The following CAMK1D variants were observed in gnomAD, a reference collection of about 807,000 sequenced individuals.
CAMK1D encodes the protein calcium/calmodulin-dependent protein kinase type 1D.
In CAMK1D, 9 loss-of-function variants were observed where a neutral mutation model predicts 47.7. The ratio of observed to expected loss-of-function variants is 0.19; its 90% CI spans 0.11 to 0.33. The LOEUF (loss-of-function observed/expected upper bound fraction) is 0.33, where lower values mean the gene tolerates loss of function less well. CAMK1D is among the 10% of genes least tolerant of loss of function. The pLI, the probability that CAMK1D is intolerant of heterozygous loss-of-function variation, is 1.00. For missense variants in CAMK1D, 291 were observed against 488.7 expected (o/e 0.60, Z 3.81); for synonymous variants, 184 against 184.9 (o/e 0.99, Z 0.04).
At chr10:12,730,107 AG>A (rs1355125136) in intron 3 of CAMK1D, among the ~76,000 whole-genome samples, 2 of 152,186 alleles carry the variant, frequency 1.3e-5, no homozygotes, top group African/African-American at 2.4e-5. Context: ...CAGTGGTGAA[AG>A]CAGGGAGAGT....
intron 2 of CAMK1D, among the ~76,000 whole-genome samples, chr10:12,627,667 C>A (rs1021156516): frequency 1.3e-5 from 2 of 152,048 alleles, no homozygotes; most frequent in Non-Finnish European, 2.9e-5. Flanking sequence ...ATCTTTCACT[C>A]AGCATAATGT....
At chr10:12,613,812 TCA>T (rs1043150464) in intron 2 of CAMK1D, among the ~76,000 whole-genome samples, 4 of 152,308 alleles carry the variant, frequency 2.6e-5, no homozygotes, top group Middle Eastern at 6.8e-3. Flanking sequence ...GGCAGAAACA[TCA>T]CAGAGTTCTG....
At chr10:12,437,682 A>G (rs1202543683) in intron 1 of CAMK1D, among the ~76,000 whole-genome samples, 3 of 152,154 alleles carry the variant, frequency 2.0e-5, no homozygotes, top group Non-Finnish European at 4.4e-5. Context: ...CCCTGAGTCC[A>G]TAGTTTACAT....
At position 12,649,943 on chromosome 10, in the gene CAMK1D, A is replaced by T. The variant is rs149222045; in HGVS notation, c.225-16793A>T. 2.7e-3 allele frequency among the ~76,000 whole-genome samples: 410 copies of T among 152,348 alleles called. 2 individuals carry two copies. Among genetic ancestry groups the T allele is most frequent in the African/African-American group, 9.3e-3 (385 of 41,578 alleles). On this transcript the variant is annotated intron_variant, in intron 2 of 10. Transcript: ENST00000619168. Reference sequence around the variant, plus strand: ...GAGCGAGAGGGTCAGGACTCCAAGCAGGGTTTCCCAGGAACGATTTCACCG... The same window carrying T: ...GAGCGAGAGGGTCAGGACTCCAAGCTGGGTTTCCCAGGAACGATTTCACCG...
At chr10:12,791,129 G>A (rs747016751) in intron 5 of CAMK1D, 29 bp from the exon 6 acceptor site, 44 of 1,610,336 alleles carry the variant, frequency 2.7e-5, no homozygotes, top group Non-Finnish European at 3.7e-5. Flanking sequence ...TAAATTGTCA[G>A]GCTGTGTCTT....
chr10:12,731,344 C>T (rs976780654), intron 3 of CAMK1D, among the ~76,000 whole-genome samples: 4 of 152,140 alleles, frequency 2.6e-5, no homozygotes, highest in Non-Finnish European at 5.9e-5. Flanking sequence ...TTTCTATTTT[C>T]TCAGTGAAAG....
At chr10:12,822,390 G>A (rs1410076350) in intron 8 of CAMK1D, among the ~76,000 whole-genome samples, 1 of 152,222 alleles carries the variant, frequency 6.6e-6, no homozygotes, top group Non-Finnish European at 1.5e-5. Flanking sequence ...TGTGGGAAAT[G>A]AGCATGAAGC....
chr10:12,476,341 C>A (rs549995730), intron 1 of CAMK1D, among the ~76,000 whole-genome samples: 1 of 151,818 alleles, frequency 6.6e-6, no homozygotes, highest in East Asian at 1.9e-4. Flanking sequence ...GCTTGGGTGA[C>A]TAGATGACCA....
chr10:12,571,043 T>G (rs1837308273), intron 2 of CAMK1D, among the ~76,000 whole-genome samples: 1 of 152,152 alleles, frequency 6.6e-6, no homozygotes, highest in Admixed American at 6.5e-5. Flanking sequence ...CAAAATGCAG[T>G]TGTTCCCCAC....
chr10:12,690,310 C>A (rs1053416699), intron 3 of CAMK1D, among the ~76,000 whole-genome samples: 2 of 152,084 alleles, frequency 1.3e-5, no homozygotes, highest in Non-Finnish European at 2.9e-5. Context: ...AATAAAAGAC[C>A]ATGAGATTTG....
intron 6 of CAMK1D, among the ~76,000 whole-genome samples, chr10:12,796,067 C>A (rs181649562): frequency 2.0e-5 from 3 of 152,184 alleles, no homozygotes; most frequent in Non-Finnish European, 4.4e-5. Context: ...ACATGCGGCC[C>A]GCCTTTCTTC....
chr10:12,599,852 G>C (rs1046480142), intron 2 of CAMK1D, among the ~76,000 whole-genome samples: 1 of 152,248 alleles, frequency 6.6e-6, no homozygotes, highest in African/African-American at 2.4e-5. Context: ...TCATCAGCTA[G>C]AGGATTGTTA....
At chr10:12,428,640 C>G (rs906285143) in intron 1 of CAMK1D, among the ~76,000 whole-genome samples, 1 of 152,192 alleles carries the variant, frequency 6.6e-6, no homozygotes, top group African/African-American at 2.4e-5. Flanking sequence ...GGCACTGTCC[C>G]ATGTCAGGCT....
chr10:12,615,485 T>A (rs561682686), intron 2 of CAMK1D, among the ~76,000 whole-genome samples: 1 of 151,286 alleles, frequency 6.6e-6, no homozygotes, highest in African/African-American at 2.4e-5. Context: ...CGTGTGTAGG[T>A]GTGTGCATGT....
At chr10:12,439,655 T>TA (rs1832728249) in intron 1 of CAMK1D, among the ~76,000 whole-genome samples, 1 of 152,230 alleles carries the variant, frequency 6.6e-6, no homozygotes, top group Non-Finnish European at 1.5e-5. Flanking sequence ...ATCGAGGACT[T>TA]ACTTGTTTGT....
chr10:12,744,614 G>A lies in CAMK1D; in HGVS notation c.300-16334G>A, dbSNP rs544647096. Among the ~76,000 whole-genome samples, 8 of 152,194 alleles carry A rather than the reference G, an allele frequency of 5.3e-5. No individual in the cohort carries two copies. In the South Asian group the frequency reaches 1.7e-3, roughly 32 times the overall value. ...AGGCGAACCTTAAAAACAAAACTCA[G>A]GGTACAGTGGCTCACACCTGTATCC... On this transcript the variant is annotated intron_variant, in intron 3 of 10. Transcript: ENST00000619168.
rs56997059 is a variant in CAMK1D, at chr10:12,669,961, G to A, written c.299+3151G>A. On this transcript the variant is annotated intron_variant, in intron 3 of 10. Transcript: ENST00000619168. ...ACACTTGGGTGGTGCCCAGTTGGCG[G>A]ACTCTATCGAGTGAAGTTGCTGTGA... 3.6e-3 allele frequency among the ~76,000 whole-genome samples: 544 copies of A among 152,136 alleles called. 4 individuals are homozygous for A. The highest frequency in any genetic ancestry group is 0.012 in the African/African-American group (518 of 41,476).
chr10:12,666,051 G>A (rs916214441), intron 2 of CAMK1D, among the ~76,000 whole-genome samples: 7 of 152,154 alleles, frequency 4.6e-5, no homozygotes, highest in African/African-American at 1.7e-4. Context: ...TTGTCGTGGG[G>A]CCTGATAATT....
chr10:12,784,450 G>C (rs1298644391), intron 5 of CAMK1D, among the ~76,000 whole-genome samples: 1 of 152,034 alleles, frequency 6.6e-6, no homozygotes, highest in African/African-American at 2.4e-5. Flanking sequence ...CATCCTCCTT[G>C]GCCTCCCAAA....
Sources: allele counts gnomAD v4.1 joint callset (sites outside exome capture counted in the v4.1 genomes callset), GRCh38; gene constraint gnomAD v4.1.1; transcripts MANE v1.5; gene names NCBI Gene and HGNC (gene_info 2026-07-23, HGNC 2026-07-21).